KIAA1217: variants seen among roughly 807,000 people sequenced by gnomAD.
The protein encoded by KIAA1217 is KIAA1217.
Under a neutral mutation model 163.9 loss-of-function variants are expected in KIAA1217, and 88 were observed. The observed-to-expected ratio is 0.54, with a 90% confidence interval of 0.45 to 0.64. The LOEUF is 0.64. Ranked by LOEUF, KIAA1217 falls within the 30% of genes least tolerant of loss-of-function variation. KIAA1217 has a pLI of 0.00. For missense variants in KIAA1217, 2,372 were observed against 2,475.0 expected (o/e 0.96, Z 0.88); for synonymous variants, 903 against 923.1 (o/e 0.98, Z 0.39).
chr10:23,876,342 G>A (rs1250614185), intron 1 of KIAA1217, among the ~76,000 whole-genome samples: 3 of 151,850 alleles, frequency 2.0e-5, no homozygotes, highest in East Asian at 1.9e-4. Flanking sequence ...GAGGGTGGAA[G>A]GGATGGGAAA....
At chr10:24,280,950 A>G (rs1446998229) in intron 2 of KIAA1217, among the ~76,000 whole-genome samples, 2 of 152,246 alleles carry the variant, frequency 1.3e-5, no homozygotes, top group East Asian at 3.8e-4. Flanking sequence ...AACACATGTG[A>G]AGGTCAGTAT....
intron 1 of KIAA1217, among the ~76,000 whole-genome samples, chr10:23,865,906 T>C (rs1239816708): frequency 3.3e-5 from 5 of 152,190 alleles, no homozygotes; most frequent in Admixed American, 3.3e-4. Context: ...TTCAAATCTT[T>C]GTCTGGATTC....
chr10:23,794,789 A>G (rs983132622), intron 1 of KIAA1217, among the ~76,000 whole-genome samples: 1 of 152,240 alleles, frequency 6.6e-6, no homozygotes, highest in Admixed American at 6.5e-5. Context: ...TTTAACGTGT[A>G]TACGTGTGTT....
intron 1 of KIAA1217, among the ~76,000 whole-genome samples, chr10:23,711,054 G>T (rs1168969025): frequency 6.6e-6 from 1 of 152,150 alleles, no homozygotes; most frequent in Non-Finnish European, 1.5e-5. Flanking sequence ...TTATCTAGAT[G>T]TGAGCACCAC....
chr10:24,450,207 T>A lies in KIAA1217; in HGVS notation c.846+11728T>A, dbSNP rs182529069. On this transcript the variant is annotated intron_variant, in intron 5 of 20. Coordinates refer to ENST00000376454, the MANE Select transcript of KIAA1217 (RefSeq NM_019590.5). Reference sequence around the variant, plus strand: ...ACAAGCAAGGAGGGAAATTCATATGTGTCCTTTAACATTCCAGGGAAAAAT... The same window carrying A: ...ACAAGCAAGGAGGGAAATTCATATGAGTCCTTTAACATTCCAGGGAAAAAT... Among the ~76,000 whole-genome samples the A allele has an allele frequency of 2.0e-5, 3 of 152,376 alleles. No individual in the cohort carries two copies. In the East Asian group the frequency reaches 5.8e-4, roughly 29 times the overall value.
At chr10:24,108,433 T>C (rs908300823) in intron 2 of KIAA1217, among the ~76,000 whole-genome samples, 10 of 152,212 alleles carry the variant, frequency 6.6e-5, no homozygotes, top group African/African-American at 2.4e-4. Context: ...CTTGCAGTTT[T>C]AAAACATATT....
Position 24,546,221 on chromosome 10 carries a change from C to T in KIAA1217, c.5729C>T (p.Ala1910Val). Residue 1910 changes from alanine (A) to valine (V), a missense_variant, in exon 21 of 21, where the codon GCC (alanine) becomes GTC (valine). Transcript: ENST00000376454. ...TCCTCCGTCTCACTGAATCAAGGTG[C>T]CAAGGGCACCAGGACCATCCATACT... ...PASSVSLNQG[A>V]KGTRTIHTPS... 6.2e-7 allele frequency: 1 copy of T among 1,614,192 alleles called. No homozygotes were observed. Among genetic ancestry groups the T allele is most frequent in the Non-Finnish European group, 8.5e-7 (1 of 1,180,042 alleles).
intron 2 of KIAA1217, among the ~76,000 whole-genome samples, chr10:24,305,397 G>C (rs1017548369): frequency 6.6e-6 from 1 of 152,188 alleles, no homozygotes; most frequent in East Asian, 1.9e-4. Flanking sequence ...CAAGGAGAGG[G>C]TTGAGGTGAC....
chr10:24,106,095 T>C (rs1017744995), intron 2 of KIAA1217, among the ~76,000 whole-genome samples: 1 of 152,190 alleles, frequency 6.6e-6, no homozygotes, highest in Non-Finnish European at 1.5e-5. Context: ...ACACCACATA[T>C]CAGATGGTGG....
intron 1 of KIAA1217, among the ~76,000 whole-genome samples, chr10:23,811,535 G>T (rs990166199): frequency 6.6e-6 from 1 of 151,722 alleles, no homozygotes; most frequent in African/African-American, 2.4e-5. Flanking sequence ...GTGTATTTTA[G>T]ACTTTTTTAA....
chr10:24,377,585 T>C (rs2134695213), intron 2 of KIAA1217, among the ~76,000 whole-genome samples: 1 of 152,334 alleles, frequency 6.6e-6, no homozygotes, highest in Non-Finnish European at 1.5e-5. Flanking sequence ...GTATCTTTCC[T>C]TTCTTATGGT....
chr10:23,724,681 T>G (rs1171822689), intron 1 of KIAA1217, among the ~76,000 whole-genome samples: 1 of 152,190 alleles, frequency 6.6e-6, no homozygotes, highest in Non-Finnish European at 1.5e-5. Context: ...ATAATTTGGG[T>G]GGCTAGCCCT....
chr10:24,433,624 AG>A (rs372470320), intron 4 of KIAA1217, among the ~76,000 whole-genome samples: 184 of 152,318 alleles, frequency 1.2e-3, no homozygotes, highest in African/African-American at 4.2e-3. Context: ...CCAAAAAGGT[AG>A]CGGAGAGACC....
intron 2 of KIAA1217, among the ~76,000 whole-genome samples, chr10:24,076,652 G>A (rs2061376374): frequency 6.6e-6 from 1 of 152,110 alleles, no homozygotes; most frequent in South Asian, 2.1e-4. Flanking sequence ...AAATGCCAGA[G>A]TTGCAACCCA....
At chr10:23,918,888 C>T (rs1210520264) in intron 1 of KIAA1217, among the ~76,000 whole-genome samples, 1 of 152,096 alleles carries the variant, frequency 6.6e-6, no homozygotes, top group Non-Finnish European at 1.5e-5. Flanking sequence ...GCTACAGAGT[C>T]AGAGCCAAGT....
intron 2 of KIAA1217, among the ~76,000 whole-genome samples, chr10:24,223,043 C>A (rs2069879821): frequency 6.6e-6 from 1 of 152,088 alleles, no homozygotes; most frequent in Admixed American, 6.6e-5. Context: ...CACCAGAGGT[C>A]ACTCTTGTGG....
chr10:23,736,224 T>C (rs1838793090), intron 1 of KIAA1217, among the ~76,000 whole-genome samples: 1 of 152,230 alleles, frequency 6.6e-6, no homozygotes, highest in Non-Finnish European at 1.5e-5. Flanking sequence ...TATGTTTAAA[T>C]TTTTTAGGTT....
rs149118142 is a variant in KIAA1217, at chr10:24,496,559, GAGA to G, written c.1834+1377_1834+1379del. Among the ~76,000 whole-genome samples the G allele has an allele frequency of 2.9e-4, 44 of 152,224 alleles. 1 individual carries two copies. In the East Asian group the frequency reaches 5.4e-3, roughly 19 times the overall value. On this transcript the variant is annotated intron_variant, in intron 8 of 20. Transcript: ENST00000376454. ...TCCTTTTATTTCTTTTTGCTTTATA[GAGA>G]AGAAGAAGAAGAATAAATATGTAGT... is the stretch of plus-strand genomic sequence containing the variant.
chr10:24,512,584 A>G (rs1278880984), intron 9 of KIAA1217, among the ~76,000 whole-genome samples: 1 of 152,216 alleles, frequency 6.6e-6, no homozygotes, highest in East Asian at 1.9e-4. Flanking sequence ...AGAAATTCAT[A>G]AATTGCCAAA....
Sources: gnomAD v4.1 joint callset for allele counts (sites outside exome capture counted in the v4.1 genomes callset) on GRCh38, gnomAD v4.1.1 for gene constraint, MANE v1.5 for transcripts, NCBI Gene and HGNC (gene_info 2026-07-23, HGNC 2026-07-21) for gene names.